JADE3: variants seen among roughly 807,000 people sequenced by gnomAD.
JADE3 encodes the protein protein Jade-3.
Under a neutral mutation model 50.1 loss-of-function variants are expected in JADE3, and 2 were observed. The ratio of observed to expected loss-of-function variants is 0.04; its 90% CI spans 0.02 to 0.13. The LOEUF (loss-of-function observed/expected upper bound fraction) is 0.13, where lower values mean the gene tolerates loss of function less well. Ranked by LOEUF, JADE3 falls within the 10% of genes least tolerant of loss-of-function variation. The pLI is 1.00. For synonymous variants in JADE3, 218 were observed against 232.9 expected (o/e 0.94, Z 0.58); for missense variants, 475 against 634.4 (o/e 0.75, Z 2.70).
chrX:46,916,172 A>G (rs781832344), intron 1 of JADE3, among the ~76,000 whole-genome samples: 1 of 112,440 alleles, frequency 8.9e-6, no homozygotes, highest in Non-Finnish European at 1.9e-5. Context: ...TTTAAATTTT[A>G]AAAACTTATT....
chrX:47,024,989 G>T, intron 5 of JADE3, 75 bp downstream of exon 5: 2 of 509,376 alleles, frequency 3.9e-6, no homozygotes, highest in South Asian at 5.5e-5. Context: ...CCTTTAGCTT[G>T]TTTTTATTTT....
Position 47,024,786 on chromosome X carries a change from C to G in JADE3, c.347C>G (p.Ser116Cys), listed in dbSNP as rs1928873184. ...FIRPRKYIHCSSPDTTEPGYI... is the reference protein window; with the variant it reads ...FIRPRKYIHCCSPDTTEPGYI... ...CGACCCCGGAAGTATATTCACTGCT[C>G]CAGCCCAGACACCACAGAGCCTGGC... is the stretch of plus-strand genomic sequence containing the variant. Residue 116 changes from serine (S) to cysteine (C), a missense_variant, in exon 5 of 11, where the codon TCC becomes TGC. Ser to Cys is a moderately radical substitution (Grantham distance 112). Transcript: ENST00000614628. 4.2e-6 allele frequency: 5 copies of G among 1,194,903 alleles called. No homozygotes were observed. Among genetic ancestry groups the G allele is most frequent in the Non-Finnish European group, 5.7e-6 (5 of 882,054 alleles).
intron 1 of JADE3, among the ~76,000 whole-genome samples, chrX:46,930,704 C>A (rs1232961539): frequency 9.0e-6 from 1 of 111,703 alleles, no homozygotes; most frequent in African/African-American, 3.3e-5. Context: ...AGAATAACAC[C>A]TTGAAGTTCT....
In JADE3 at chrX:47,024,811, C is replaced by T; in HGVS notation, c.372C>T (p.Gly124=). 1 of 1,193,203 alleles carries T rather than the reference C, an allele frequency of 8.4e-7. No individual in the cohort carries two copies. The highest frequency in any genetic ancestry group is 1.1e-6 in the Non-Finnish European group (1 of 878,554). The change falls in exon 5 of 11, where the codon GGC becomes GGT. Residue 124 remains glycine (G), a synonymous_variant. Coordinates refer to ENST00000614628, the MANE Select transcript of JADE3 (RefSeq NM_014735.5). ...CCAGCCCAGACACCACAGAGCCTGGCTACATCAACATCATGGAGTTGGCAG... is the reference window on the plus strand; with the variant it reads ...CCAGCCCAGACACCACAGAGCCTGGTTACATCAACATCATGGAGTTGGCAG... The part of the protein sequence containing the change: ...HCSSPDTTEP[G]YINIMELAAS...
intron 8 of JADE3, among the ~76,000 whole-genome samples, chrX:47,039,357 C>T (rs1370582060): frequency 9.2e-6 from 1 of 108,395 alleles, no homozygotes; most frequent in Non-Finnish European, 1.9e-5. Context: ...GGGTGGAAAT[C>T]GGCTATAATT....
At chrX:47,054,979 C>T (rs1929605134) in intron 9 of JADE3, among the ~76,000 whole-genome samples, 1 of 111,445 alleles carries the variant, frequency 9.0e-6, no homozygotes, top group Non-Finnish European at 1.9e-5. Context: ...TTCAGGAAAA[C>T]ACCAAATTAG....
chrX:47,032,623 CAG>C (rs1929046405), intron 6 of JADE3, among the ~76,000 whole-genome samples: 1 of 111,237 alleles, frequency 9.0e-6, no homozygotes, highest in Non-Finnish European at 1.9e-5. Context: ...AGAGGAACGT[CAG>C]AGTCTTGGGG....
At chrX:46,973,161 A>G (rs1927537099) in intron 1 of JADE3, among the ~76,000 whole-genome samples, 2 of 112,640 alleles carry the variant, frequency 1.8e-5, no homozygotes, top group Admixed American at 9.4e-5. Context: ...ACAAGTCTTT[A>G]TATTAAAGAG....
chrX:46,917,695 A>G (rs1305473172), intron 1 of JADE3, among the ~76,000 whole-genome samples: 3 of 110,302 alleles, frequency 2.7e-5, no homozygotes, highest in Non-Finnish European at 5.7e-5. Context: ...GCAGGGAAAG[A>G]TTGACAGGGC....
At chrX:47,001,987 A>G (rs782457046) in intron 4 of JADE3, among the ~76,000 whole-genome samples, 284 of 111,654 alleles carry the variant, frequency 2.5e-3, no homozygotes, top group Middle Eastern at 9.3e-3. Context: ...AGAATTACTT[A>G]TAAATTTGAG....
chrX:46,962,112 C>T (rs933494138), intron 1 of JADE3, among the ~76,000 whole-genome samples: 1 of 111,233 alleles, frequency 9.0e-6, no homozygotes, highest in African/African-American at 3.3e-5. Flanking sequence ...ACCTGCGCCT[C>T]CTCACAGGGT....
chrX:47,014,456 G>T, intron 4 of JADE3, among the ~76,000 whole-genome samples: 1 of 111,673 alleles, frequency 9.0e-6, no homozygotes, highest in East Asian at 2.8e-4. Flanking sequence ...TTTCTTTGGG[G>T]CATTGTCCCC....
In JADE3 at chrX:47,058,285, C is replaced by T. The variant is rs1385459808; in HGVS notation, c.1680C>T (p.Thr560=). ...ACCACAGAAACAGCTCCACAGAAAC[C>T]GATCAGCAGCCCCACTCTCCTGACA... is the stretch of plus-strand genomic sequence containing the variant. ...PEDHRNSSTE[T]DQQPHSPDSS... Residue 560 remains threonine (T), a synonymous_variant, in exon 11 of 11, where the codon ACC becomes ACT. Transcript: ENST00000614628. The T allele has an allele frequency of 1.4e-5, 17 of 1,208,563 alleles. No homozygotes were observed. Among genetic ancestry groups the T allele is most frequent in the African/African-American group, 1.8e-5 (1 of 56,703 alleles).
intron 8 of JADE3, among the ~76,000 whole-genome samples, chrX:47,049,466 CT>C (rs1172608413): frequency 1.5e-4 from 15 of 96,957 alleles, no homozygotes; most frequent in African/African-American, 1.5e-4. Flanking sequence ...GCGCCCAACC[CT>C]TTTTTTTTTT....
At chrX:46,977,770 G>A (rs2070942393) in intron 1 of JADE3, among the ~76,000 whole-genome samples, 1 of 111,299 alleles carries the variant, frequency 9.0e-6, no homozygotes, top group Non-Finnish European at 1.9e-5. Flanking sequence ...AGCCAGTTAG[G>A]GTCTTAAGAA....
intron 8 of JADE3, among the ~76,000 whole-genome samples, chrX:47,047,147 G>A (rs1321014461): frequency 3.6e-5 from 4 of 111,778 alleles, no homozygotes; most frequent in African/African-American, 1.3e-4. Context: ...GCCTGGGCAC[G>A]GAAACTCTTC....
At chrX:47,051,585 A>C (rs1556371973) in intron 8 of JADE3, among the ~76,000 whole-genome samples, 1 of 110,886 alleles carries the variant, frequency 9.0e-6, no homozygotes, top group Non-Finnish European at 1.9e-5. Context: ...TGAGGCCAGG[A>C]GTTCAAGACC....
intron 1 of JADE3, among the ~76,000 whole-genome samples, chrX:46,944,516 C>T (rs782020330): frequency 2.0e-4 from 22 of 110,349 alleles, no homozygotes; most frequent in Non-Finnish European, 2.8e-4. Context: ...CCATATTGTC[C>T]AGGCTGATCT....
chrX:46,922,656 T>A (rs1556337993), intron 1 of JADE3, among the ~76,000 whole-genome samples: 2 of 106,641 alleles, frequency 1.9e-5, no homozygotes, highest in Non-Finnish European at 3.8e-5. Context: ...TTCTTACTGT[T>A]TTTTTTTTAA....
Sources: allele counts gnomAD v4.1 joint callset (sites outside exome capture counted in the v4.1 genomes callset), GRCh38; gene constraint gnomAD v4.1.1; transcripts MANE v1.5; gene names NCBI Gene and HGNC (gene_info 2026-07-23, HGNC 2026-07-21).